MEGF10: variants seen among roughly 807,000 people sequenced by gnomAD.
The protein encoded by MEGF10 is multiple EGF like domains 10.
A neutral mutation model predicts 147.5 loss-of-function variants in MEGF10; 86 were observed. The ratio of observed to expected loss-of-function variants is 0.58; its 90% CI spans 0.49 to 0.70. The LOEUF (loss-of-function observed/expected upper bound fraction) is 0.70, where lower values mean the gene tolerates loss of function less well. Ranked by LOEUF, MEGF10 falls within the 30% of genes least tolerant of loss-of-function variation. MEGF10 has a pLI of 0.00. For synonymous variants in MEGF10, 478 were observed against 525.5 expected, an observed-to-expected ratio of 0.91 and a Z score of 1.24; for missense variants, 1,329 against 1,487.3, an observed-to-expected ratio of 0.89 and a Z score of 1.75.
rs182243856 is a variant in MEGF10 at position 127,422,752 on chromosome 5, G to T, written c.1673G>T (p.Arg558Leu). ...TGCCACCCTACCACGGGCCATTGCC[G>T]CTGCCTCCCCGGATGGTCAGGTGAG... ...DGCHPTTGHC[R>L]CLPGWSGVHC... Residue 558 changes from arginine to leucine, a missense_variant, in exon 13 of 25, where the codon CGC (arginine) becomes CTC (leucine). Physicochemically the swap from Arg to Leu is moderately radical, Grantham distance 102 (BLOSUM62 -2). Transcript: ENST00000503335. 1.1e-4 allele frequency: 178 copies of T among 1,613,876 alleles called. 1 individual carries two copies. In the East Asian group the frequency reaches 3.5e-3, roughly 31 times the overall value.
At chr5:127,364,104 G>A (rs1762572287) in intron 4 of MEGF10, among the ~76,000 whole-genome samples, 1 of 152,144 alleles carries the variant, frequency 6.6e-6, no homozygotes, top group Non-Finnish European at 1.5e-5. Context: ...CCACAGTATT[G>A]TTATAACAGT....
At chr5:127,434,392 A>G (rs1765487300) in intron 14 of MEGF10, among the ~76,000 whole-genome samples, 1 of 152,154 alleles carries the variant, frequency 6.6e-6, no homozygotes, top group African/African-American at 2.4e-5. Flanking sequence ...AAATTCCTGG[A>G]GCCCTGCTTT....
In MEGF10 at chr5:127,449,214, A is replaced by C; in HGVS notation, c.2972A>C (p.Asn991Thr). Residue 991 changes from asparagine to threonine, a missense_variant, in exon 22 of 25, where the codon AAC becomes ACC. By Grantham distance (65) the Asn-to-Thr change is moderately conservative. Transcript: ENST00000503335. Reference protein sequence around the residue: ...PADWKHGGYLNELGAFGLDRS... With the variant: ...PADWKHGGYLTELGAFGLDRS... Reference sequence around the variant, plus strand: ...GACTGGAAACATGGCGGCTACCTCAACGAGCTCGGTGAGTTCTCCCAACGC... The same window carrying C: ...GACTGGAAACATGGCGGCTACCTCACCGAGCTCGGTGAGTTCTCCCAACGC... 6.2e-7 allele frequency: 1 copy of C among 1,613,338 alleles called. No homozygotes were observed. Among genetic ancestry groups the C allele is most frequent in the African/African-American group, 1.3e-5 (1 of 75,022 alleles).
At chr5:127,246,624 A>G in the MEGF10 span, among the ~76,000 whole-genome samples, 301 of 151,598 alleles carry the variant, frequency 2.0e-3, 1 homozygote, top group African/African-American at 6.9e-3. Flanking sequence ...ATGGTGAGCA[A>G]TGAAAACTTA....
intron 2 of MEGF10, among the ~76,000 whole-genome samples, chr5:127,337,570 G>A (rs1432307703): frequency 6.6e-6 from 1 of 151,902 alleles, no homozygotes; most frequent in Non-Finnish European, 1.5e-5. Flanking sequence ...TTTTAGCAGG[G>A]GCCTCTTGCT....
chr5:127,260,462 C>T, the MEGF10 span, among the ~76,000 whole-genome samples: 26 of 152,224 alleles, frequency 1.7e-4, no homozygotes, highest in East Asian at 3.9e-3. Context: ...GTAAACCTCC[C>T]TTCATGTCTC....
At chr5:127,415,607 C>T (rs955895302) in intron 9 of MEGF10, among the ~76,000 whole-genome samples, 3 of 151,930 alleles carry the variant, frequency 2.0e-5, no homozygotes, top group Non-Finnish European at 2.9e-5. Context: ...AAGAAGTTAT[C>T]AAGAATAACT....
At chr5:127,294,569 TG>T (rs1246138116) in intron 1 of MEGF10, among the ~76,000 whole-genome samples, 3 of 151,820 alleles carry the variant, frequency 2.0e-5, no homozygotes, top group Non-Finnish European at 4.4e-5. Flanking sequence ...GAGGCTGAGG[TG>T]GGAAGATCAC....
intron 22 of MEGF10, 123 bp from the exon 23 acceptor site, chr5:127,454,443 T>C: frequency 1.3e-6 from 1 of 749,532 alleles, no homozygotes. Flanking sequence ...TGTAAAGGCT[T>C]GAAGAGCAGC....
chr5:127,378,836 T>G (rs542453726), intron 5 of MEGF10, among the ~76,000 whole-genome samples: 1 of 152,042 alleles, frequency 6.6e-6, no homozygotes, highest in South Asian at 2.1e-4. Flanking sequence ...CTAGTAAAGT[T>G]TTATTTTGTT....
intron 13 of MEGF10, among the ~76,000 whole-genome samples, chr5:127,427,401 C>T (rs1343452927): frequency 6.6e-6 from 1 of 152,004 alleles, no homozygotes; most frequent in African/African-American, 2.4e-5. Flanking sequence ...CCCAATGAAA[C>T]TCTAGGGGTC....
rs899955941 is a variant in MEGF10, at chr5:127,352,676, C to CA, written c.319+12056dup. Among the ~76,000 whole-genome samples the CA allele has an allele frequency of 2.8e-3, 402 of 142,172 alleles. 1 individual carries two copies. The highest frequency in any genetic ancestry group is 9.1e-3 in the African/African-American group (350 of 38,524). The allele number at this position is 142,172 out of a possible 152,430, so 93.3% of individuals were successfully genotyped here. ...AGTGAGACTGTCTCAAAAAGAAAGA[C>CA]AAAAAAAAAAGCGTTTATTTACCAT... On this transcript the variant is annotated intron_variant, in intron 4 of 24. Coordinates refer to ENST00000503335, the MANE Select transcript of MEGF10 (RefSeq NM_001256545.2).
chr5:127,271,470 G>T, the MEGF10 span, among the ~76,000 whole-genome samples: 3 of 152,006 alleles, frequency 2.0e-5, no homozygotes, highest in South Asian at 6.2e-4. Flanking sequence ...TTTGTCAGGT[G>T]CATAGATTGC....
chr5:127,457,007 C>A, intron 24 of MEGF10, 121 bp from the exon 25 acceptor site: 1 of 1,016,732 alleles, frequency 9.8e-7, no homozygotes, highest in Non-Finnish European at 1.4e-6. Context: ...TTTTTAAAAC[C>A]AGCATTTCCT....
chr5:127,391,638 G>T (rs1019544909), intron 5 of MEGF10, among the ~76,000 whole-genome samples: 3 of 151,298 alleles, frequency 2.0e-5, no homozygotes, highest in Non-Finnish European at 2.9e-5. Flanking sequence ...ATCACTGTAA[G>T]TATCAGTCTC....
chr5:127,332,553 T>A (rs139502008), intron 2 of MEGF10, among the ~76,000 whole-genome samples: 376 of 152,236 alleles, frequency 2.5e-3, no homozygotes, highest in African/African-American at 8.6e-3. Flanking sequence ...CTACCTCCAT[T>A]GGTAGTGTTA....
chr5:127,315,285 A>T lies in MEGF10; in HGVS notation c.-18-16006A>T, dbSNP rs796160670. ...TATTAATGTTCCAGTTTATTTATGT[A>T]TTTATTTTTAACATTATACTTGGTG... On this transcript the variant is annotated intron_variant, in intron 1 of 24. Coordinates refer to ENST00000503335, the MANE Select transcript of MEGF10 (RefSeq NM_001256545.2). Among the ~76,000 whole-genome samples, 6 of 152,112 alleles carry T rather than the reference A, an allele frequency of 3.9e-5. No homozygotes were observed. In the South Asian group the frequency reaches 1.2e-3, roughly 32 times the overall value.
chr5:127,412,996 A>C (rs914026121), intron 9 of MEGF10, among the ~76,000 whole-genome samples: 2 of 152,070 alleles, frequency 1.3e-5, no homozygotes, highest in Non-Finnish European at 2.9e-5. Context: ...GACCCCCAAC[A>C]TACACTTTTT....
the MEGF10 span, among the ~76,000 whole-genome samples, chr5:127,244,379 A>G: frequency 2.6e-5 from 4 of 151,820 alleles, no homozygotes; most frequent in East Asian, 1.9e-4. Context: ...AAAAAAAAAA[A>G]AAAAGAAAAG....
Sources: allele counts gnomAD v4.1 joint callset (sites outside exome capture counted in the v4.1 genomes callset), GRCh38; gene constraint gnomAD v4.1.1; transcripts MANE v1.5; gene names NCBI Gene and HGNC (gene_info 2026-07-23, HGNC 2026-07-21).